P4HA2: variants seen among roughly 807,000 people sequenced by gnomAD.
P4HA2 encodes prolyl 4-hydroxylase subunit alpha 2.
In P4HA2, 46 loss-of-function variants were observed where a neutral mutation model predicts 76.9. The ratio of observed to expected loss-of-function variants is 0.60; its 90% CI spans 0.47 to 0.76. The LOEUF is 0.76. Among genes scored for constraint, P4HA2 ranks in the 30% least tolerant of loss-of-function variants. The probability of loss-of-function intolerance (pLI) is 0.00; values close to 1 mark genes in which losing one functional copy is unlikely to be tolerated. For missense variants in P4HA2, 583 were observed against 669.4 expected, an observed-to-expected ratio of 0.87 and a Z score of 1.42; for synonymous variants, 243 against 254.0, an observed-to-expected ratio of 0.96 and a Z score of 0.41.
chr5:132,215,314 T>C (rs1753674068), intron 4 of P4HA2, among the ~76,000 whole-genome samples: 1 of 152,244 alleles, frequency 6.6e-6, no homozygotes, highest in Non-Finnish European at 1.5e-5. Flanking sequence ...GCCTGCCCTA[T>C]CTCCTTCCAG....
At chr5:132,197,491 C>A (rs1289106646) in intron 12 of P4HA2, among the ~76,000 whole-genome samples, 3 of 151,614 alleles carry the variant, frequency 2.0e-5, no homozygotes, top group Non-Finnish European at 4.4e-5. Flanking sequence ...GCCTATAATC[C>A]CAGCTGCTTG....
chr5:132,210,468 C>T lies in P4HA2; in HGVS notation c.525G>A (p.Ser175=), dbSNP rs200726142. ...SVDDCFGMGR[S]AYNEGDYYHT... ...GATAATAGTCCCCTTCATTGTAGGC[C>T]GAGCGGCCCATCCCAAAGCAGTCAT... Residue 175 remains serine, a synonymous_variant, in exon 6 of 15, where the codon TCG becomes TCA. Coordinates refer to ENST00000360568, the MANE Select transcript of P4HA2 (RefSeq NM_001017974.2). 9 of 1,613,898 alleles carry T rather than the reference C, an allele frequency of 5.6e-6. No individual in the cohort carries two copies. The highest frequency in any genetic ancestry group is 1.6e-4 in the Middle Eastern group (1 of 6,084).
chr5:132,216,442 G>GA (rs1210656212), intron 4 of P4HA2, among the ~76,000 whole-genome samples: 3 of 152,128 alleles, frequency 2.0e-5, no homozygotes, highest in South Asian at 2.1e-4. Flanking sequence ...TGATAATTCA[G>GA]AAAAAATCCC....
chr5:132,210,200 G>A (rs1012299681), intron 6 of P4HA2, 84 bp downstream of exon 6: 47 of 1,491,000 alleles, frequency 3.2e-5, no homozygotes, highest in Non-Finnish European at 4.4e-5. Flanking sequence ...TCAGTCCCAG[G>A]AGAGGGGTCA....
At chr5:132,217,635 A>C (rs1172686023) in intron 3 of P4HA2, 117 bp downstream of exon 3, 2 of 758,074 alleles carry the variant, frequency 2.6e-6, no homozygotes, top group Non-Finnish European at 4.8e-6. Flanking sequence ...TAACCAGGCC[A>C]GCCCCACATC....
intron 1 of P4HA2, among the ~76,000 whole-genome samples, chr5:132,225,070 CTG>C (rs1006428544): frequency 8.3e-6 from 1 of 120,508 alleles, no homozygotes; most frequent in African/African-American, 3.1e-5. Context: ...AAAAAAAAAA[CTG>C]TCTTTCTATC....
rs541335730 is a variant in P4HA2, at chr5:132,190,415, T to C, written c.*2595A>G. Among the ~76,000 whole-genome samples, 2 of 152,224 alleles carry C rather than the reference T, an allele frequency of 1.3e-5. No individual in the cohort carries two copies. Among genetic ancestry groups the C allele is most frequent in the African/African-American group, 4.8e-5 (2 of 41,462 alleles). On this transcript the variant is annotated 3_prime_UTR_variant, in exon 15 of 15. Transcript: ENST00000360568. ...CCAATGGAAGCCACTAGAGGGAGAT[T>C]AGACGGCAGTAGATAGCAATTGCCC...
In P4HA2 at chr5:132,210,345, A is replaced by G; in HGVS notation, c.648T>C (p.Ala216=). 6.2e-7 allele frequency: 1 copy of G among 1,614,146 alleles called. No homozygotes were observed. The change falls in exon 6 of 15, where the codon GCT becomes GCC. Residue 216 remains alanine (A), a synonymous_variant. Coordinates refer to ENST00000360568, the MANE Select transcript of P4HA2 (RefSeq NM_001017974.2). The part of the protein sequence containing the change: ...KSQVLDYLSY[A]VFQLGDLHRA... ...GGTGCAGATCACCCAACTGGAAGAC[A>G]GCATAGCTGAGGTAGTCCAGCACCT...
intron 5 of P4HA2, among the ~76,000 whole-genome samples, chr5:132,213,173 A>G (rs775488490): frequency 1.3e-5 from 2 of 152,256 alleles, no homozygotes; most frequent in African/African-American, 4.8e-5. Flanking sequence ...GAGGCAATCT[A>G]TCTGTCAAAT....
intron 4 of P4HA2, 63 bp downstream of exon 4, chr5:132,217,134 A>G: frequency 1.3e-6 from 2 of 1,524,426 alleles, no homozygotes; most frequent in Non-Finnish European, 1.8e-6. Context: ...CTCAGACACA[A>G]CAACCCAGGC....
intron 12 of P4HA2, among the ~76,000 whole-genome samples, chr5:132,196,281 C>T (rs1243235843): frequency 6.6e-6 from 1 of 152,188 alleles, no homozygotes; most frequent in Non-Finnish European, 1.5e-5. Flanking sequence ...TGGCTTCTCA[C>T]AGCCCTGTGG....
At chr5:132,197,562 C>T (rs1462388271) in intron 12 of P4HA2, among the ~76,000 whole-genome samples, 1 of 147,850 alleles carries the variant, frequency 6.8e-6, no homozygotes, top group African/African-American at 2.5e-5. Context: ...GAGCCGAGAT[C>T]CCACCACTGC....
chr5:132,208,359 G>A (rs1752492405), intron 7 of P4HA2, among the ~76,000 whole-genome samples: 1 of 95,710 alleles, frequency 1.0e-5, no homozygotes, highest in Admixed American at 1.0e-4. Context: ...GGAAGGGAGG[G>A]AGGGAGGGGA....
chr5:132,217,531 G>A, intron 3 of P4HA2, 183 bp from the exon 4 acceptor site: 1 of 647,632 alleles, frequency 1.5e-6, no homozygotes, highest in Non-Finnish European at 2.7e-6. Flanking sequence ...GATAACAGCT[G>A]GGACCCCCAA....
At chr5:132,197,001 C>A (rs867440022) in intron 12 of P4HA2, among the ~76,000 whole-genome samples, 1 of 152,236 alleles carries the variant, frequency 6.6e-6, no homozygotes. Flanking sequence ...CATGTAATAA[C>A]CACACAATAA....
At chr5:132,212,771 T>C (rs1328763678) in intron 5 of P4HA2, among the ~76,000 whole-genome samples, 4 of 152,180 alleles carry the variant, frequency 2.6e-5, no homozygotes, top group Non-Finnish European at 5.9e-5. Context: ...GTAATTCCTT[T>C]CTGCCCCATA....
chr5:132,205,109 C>G (rs1461640014), intron 8 of P4HA2, among the ~76,000 whole-genome samples: 1 of 152,258 alleles, frequency 6.6e-6, no homozygotes, highest in African/African-American at 2.4e-5. Flanking sequence ...TGCACTCTTA[C>G]AACTCAGTCA....
chr5:132,210,279 C>T lies in P4HA2; in HGVS notation c.709+5G>A. The T allele has an allele frequency of 1.2e-6, 2 of 1,614,060 alleles. No individual in the cohort carries two copies. The highest frequency in any genetic ancestry group is 1.7e-5 in the Admixed American group (1 of 60,026). On this transcript the variant is annotated splice_donor_5th_base_variant and intron_variant, in intron 6 of 14. Transcript: ENST00000360568. ...CCATCTTACCTTCCCCTAGAATCTCCTTACCAAGGGAGAGCAGGCGGCGGG... is the reference window on the plus strand; with the variant it reads ...CCATCTTACCTTCCCCTAGAATCTCTTTACCAAGGGAGAGCAGGCGGCGGG...
At chr5:132,206,937 T>G (rs554449791) in intron 8 of P4HA2, among the ~76,000 whole-genome samples, 2 of 152,340 alleles carry the variant, frequency 1.3e-5, no homozygotes, top group East Asian at 3.9e-4. Context: ...GCAATCTGTA[T>G]GAGTTTGCTT....
Sources: gnomAD v4.1 joint callset for allele counts (sites outside exome capture counted in the v4.1 genomes callset) on GRCh38, gnomAD v4.1.1 for gene constraint, MANE v1.5 for transcripts, NCBI Gene and HGNC (gene_info 2026-07-23, HGNC 2026-07-21) for gene names.